The following LRRC4C variants were observed in gnomAD, a reference collection of about 807,000 sequenced individuals.
LRRC4C encodes leucine-rich repeat-containing protein 4C.
A neutral mutation model predicts 33.6 loss-of-function variants in LRRC4C; 5 were observed. The ratio of observed to expected loss-of-function variants is 0.15; its 90% CI spans 0.08 to 0.31. The LOEUF is 0.31. Among genes scored for constraint, LRRC4C ranks in the 10% least tolerant of loss-of-function variants. The pLI, the probability that LRRC4C is intolerant of heterozygous loss-of-function variation, is 1.00. For synonymous variants in LRRC4C, 329 were observed against 302.0 expected (o/e 1.09, Z -0.93); for missense variants, 560 against 796.7 (o/e 0.70, Z 3.58).
chr11:40,956,005 G>T (rs147774557), intron 1 of LRRC4C, among the ~76,000 whole-genome samples: 1 of 151,888 alleles, frequency 6.6e-6, no homozygotes, highest in East Asian at 1.9e-4. Context: ...TATTGACAGA[G>T]CCCTTAAGCC....
chr11:41,138,587 CCT>C (rs1943367226), intron 1 of LRRC4C, among the ~76,000 whole-genome samples: 1 of 152,112 alleles, frequency 6.6e-6, no homozygotes, highest in South Asian at 2.1e-4. Flanking sequence ...TTCATAATGT[CCT>C]GGTAAACAAA....
chr11:40,802,047 C>T (rs1022784506), intron 2 of LRRC4C, among the ~76,000 whole-genome samples: 3 of 152,190 alleles, frequency 2.0e-5, no homozygotes, highest in Non-Finnish European at 4.4e-5. Context: ...CCTCTGTGCT[C>T]ACTGAAATAA....
intron 3 of LRRC4C, among the ~76,000 whole-genome samples, chr11:40,572,866 G>A (rs895618471): frequency 4.6e-5 from 7 of 152,128 alleles, no homozygotes; most frequent in Admixed American, 3.9e-4. Flanking sequence ...ATATCATTTG[G>A]TATTAAAGAA....
chr11:41,085,531 G>A (rs10837568), intron 1 of LRRC4C, among the ~76,000 whole-genome samples: 32,724 of 151,838 alleles, frequency 0.22, 3,993 homozygotes, highest in East Asian at 0.33. Flanking sequence ...TAACTATCAC[G>A]TAGTGTTGTT....
intron 3 of LRRC4C, among the ~76,000 whole-genome samples, chr11:40,564,317 C>T (rs1957670174): frequency 1.3e-5 from 2 of 152,254 alleles, no homozygotes; most frequent in Non-Finnish European, 2.9e-5. Context: ...CAAAAAGGCT[C>T]ATAGAGCTGG....
chr11:40,809,056 T>C (rs1200811965), intron 2 of LRRC4C, among the ~76,000 whole-genome samples: 6 of 152,188 alleles, frequency 3.9e-5, no homozygotes, highest in Non-Finnish European at 8.8e-5. Flanking sequence ...CCCATCAGTG[T>C]ACAAACATCC....
intron 2 of LRRC4C, among the ~76,000 whole-genome samples, chr11:40,834,048 G>C (rs1952542733): frequency 1.3e-5 from 2 of 152,168 alleles, no homozygotes; most frequent in African/African-American, 4.8e-5. Context: ...TTATGTCTGA[G>C]TGTGTCCTCT....
chr11:40,117,631 G>A (rs1053388967), intron 6 of LRRC4C, among the ~76,000 whole-genome samples: 1 of 149,968 alleles, frequency 6.7e-6, no homozygotes, highest in South Asian at 2.2e-4. Flanking sequence ...CTGGGCACCT[G>A]TGTAATAACT....
chr11:41,051,993 C>T (rs1315392579), intron 1 of LRRC4C, among the ~76,000 whole-genome samples: 1 of 152,096 alleles, frequency 6.6e-6, no homozygotes, highest in African/African-American at 2.4e-5. Flanking sequence ...AATTGTGATA[C>T]CTAAACCACT....
intron 3 of LRRC4C, among the ~76,000 whole-genome samples, chr11:40,402,748 A>G (rs1949807729): frequency 6.6e-6 from 1 of 152,080 alleles, no homozygotes; most frequent in South Asian, 2.1e-4. Flanking sequence ...ATTTATATAT[A>G]CCCAGAATTT....
intron 3 of LRRC4C, among the ~76,000 whole-genome samples, chr11:40,383,747 C>G (rs1948987721): frequency 6.6e-6 from 1 of 151,658 alleles, no homozygotes; most frequent in African/African-American, 2.4e-5. Context: ...TGCAGTGACA[C>G]TATCATGGCT....
At chr11:40,279,645 C>T (rs958826248) in intron 4 of LRRC4C, among the ~76,000 whole-genome samples, 2 of 152,112 alleles carry the variant, frequency 1.3e-5, no homozygotes, top group African/African-American at 2.4e-5. Flanking sequence ...TATAATCATG[C>T]TTATGTCACA....
At chr11:40,769,143 C>G (rs1205814632) in intron 2 of LRRC4C, among the ~76,000 whole-genome samples, 4 of 151,192 alleles carry the variant, frequency 2.6e-5, no homozygotes, top group South Asian at 4.2e-4. Context: ...TTGCAGGATA[C>G]AAAATCAACA....
At chr11:40,987,053 C>A (rs1853070152) in intron 1 of LRRC4C, among the ~76,000 whole-genome samples, 1 of 152,136 alleles carries the variant, frequency 6.6e-6, no homozygotes, top group Non-Finnish European at 1.5e-5. Flanking sequence ...TGTATAGTTC[C>A]CATAACAACC....
chr11:40,774,559 G>T (rs914620809), intron 2 of LRRC4C, among the ~76,000 whole-genome samples: 3 of 152,050 alleles, frequency 2.0e-5, no homozygotes, highest in African/African-American at 7.2e-5. Flanking sequence ...CACTAGAATA[G>T]ATTTGACTAA....
intron 2 of LRRC4C, among the ~76,000 whole-genome samples, chr11:40,673,668 A>G (rs1429585912): frequency 6.6e-6 from 1 of 152,216 alleles, no homozygotes; most frequent in Non-Finnish European, 1.5e-5. Flanking sequence ...GTTTAAGCAC[A>G]AGTCCAATAT....
chr11:41,150,519 C>T (rs966052679), intron 1 of LRRC4C, among the ~76,000 whole-genome samples: 5 of 152,000 alleles, frequency 3.3e-5, no homozygotes, highest in Non-Finnish European at 5.9e-5. Flanking sequence ...TTGCCAGGCG[C>T]GGTGGCTCAC....
intron 1 of LRRC4C, among the ~76,000 whole-genome samples, chr11:41,073,578 T>C (rs949335867): frequency 6.6e-6 from 1 of 152,154 alleles, no homozygotes; most frequent in Non-Finnish European, 1.5e-5. Flanking sequence ...CACTAGACAG[T>C]GAATTCAGGG....
chr11:40,630,018 TAATAAATAATCTCTAA>T (rs1364577686), intron 3 of LRRC4C, among the ~76,000 whole-genome samples: 47 of 152,092 alleles, frequency 3.1e-4, no homozygotes, highest in Middle Eastern at 3.2e-3. Context: ...CTAAAATCTA[TAATAAATAATCTCTAA>T]AATAAATAAT....
Sources: gnomAD v4.1 joint callset for allele counts (sites outside exome capture counted in the v4.1 genomes callset) on GRCh38, gnomAD v4.1.1 for gene constraint, MANE v1.5 for transcripts, NCBI Gene and HGNC (gene_info 2026-07-23, HGNC 2026-07-21) for gene names.